Variants in VAT1L observed in about 807,000 individuals in gnomAD.
VAT1L encodes vesicle amine transport 1 like.
VAT1L carries 34 observed loss-of-function variants against 44.1 expected under a neutral mutation model. The ratio of observed to expected loss-of-function variants is 0.77; its 90% CI spans 0.59 to 1.03. The LOEUF (loss-of-function observed/expected upper bound fraction) is 1.03. Ranked by LOEUF, VAT1L falls within the 50% of genes least tolerant of loss-of-function variation. The pLI is 0.00. For synonymous variants in VAT1L, 253 were observed against 202.2 expected, an observed-to-expected ratio of 1.25 and a Z score of -2.13; for missense variants, 615 against 538.8, an observed-to-expected ratio of 1.14 and a Z score of -1.40.
chr16:77,954,929 A>G (rs2142528001), intron 7 of VAT1L, among the ~76,000 whole-genome samples: 1 of 152,320 alleles, frequency 6.6e-6, no homozygotes, highest in South Asian at 2.1e-4. Flanking sequence ...GATCAACTCC[A>G]AATATAGGAA....
intron 7 of VAT1L, among the ~76,000 whole-genome samples, chr16:77,889,896 G>A (rs887412794): frequency 1.3e-5 from 2 of 152,064 alleles, no homozygotes; most frequent in African/African-American, 4.8e-5. Context: ...AGACCAGCCC[G>A]GCCAACAGGG....
chr16:77,871,251 C>A (rs1228743075), intron 4 of VAT1L, among the ~76,000 whole-genome samples: 1 of 152,044 alleles, frequency 6.6e-6, no homozygotes, highest in Admixed American at 6.5e-5. Context: ...CACCCCACCA[C>A]TGACCTTCAA....
intron 4 of VAT1L, among the ~76,000 whole-genome samples, chr16:77,874,808 C>G (rs28542858): frequency 0.35 from 50,851 of 144,762 alleles, 9,332 homozygotes; most frequent in East Asian, 0.48. Flanking sequence ...GCAGTGCCCA[C>G]TGCTGAATAT....
intron 7 of VAT1L, among the ~76,000 whole-genome samples, chr16:77,930,802 AGT>A (rs2017723319): frequency 6.6e-6 from 1 of 152,146 alleles, no homozygotes; most frequent in East Asian, 1.9e-4. Flanking sequence ...TCTCCTACCC[AGT>A]GTGTTTGTCA....
At chr16:77,888,772 C>G (rs2017234266) in intron 7 of VAT1L, among the ~76,000 whole-genome samples, 1 of 152,192 alleles carries the variant, frequency 6.6e-6, no homozygotes, top group African/African-American at 2.4e-5. Flanking sequence ...AGGGGCAAAA[C>G]CACTCCTACT....
intron 7 of VAT1L, among the ~76,000 whole-genome samples, chr16:77,929,526 G>A (rs1364189563): frequency 6.6e-6 from 1 of 152,224 alleles, no homozygotes; most frequent in East Asian, 1.9e-4. Flanking sequence ...AAATATAAAT[G>A]TAATTTCAAG....
rs1029353314 is a variant in VAT1L, at chr16:77,822,514, G to C, written c.364-2732G>C. On this transcript the variant is annotated intron_variant, in intron 2 of 8. Transcript: ENST00000302536. ...CCCCTTCCAGTATCCAAGAAATCTA[G>C]GGTCATTTAGGGGCTTGGAGGAGGG... is the stretch of plus-strand genomic sequence containing the variant. Among the ~76,000 whole-genome samples, 7 of 152,240 alleles carry C rather than the reference G, an allele frequency of 4.6e-5. No homozygotes were observed. In the East Asian group the frequency reaches 1.4e-3, roughly 29 times the overall value.
chr16:77,873,385 T>C (rs887333065), intron 4 of VAT1L, among the ~76,000 whole-genome samples: 3 of 152,194 alleles, frequency 2.0e-5, no homozygotes, highest in Admixed American at 1.3e-4. Flanking sequence ...AGCTCTGAAA[T>C]ATGAGTTTCC....
At chr16:77,825,736 G>A (rs911221194) in intron 3 of VAT1L, among the ~76,000 whole-genome samples, 2 of 151,918 alleles carry the variant, frequency 1.3e-5, no homozygotes, top group African/African-American at 4.8e-5. Flanking sequence ...GCATTCTCAG[G>A]CCGGGCGCCG....
chr16:77,811,561 C>T (rs934826922), intron 1 of VAT1L, among the ~76,000 whole-genome samples: 3 of 152,124 alleles, frequency 2.0e-5, no homozygotes, highest in Non-Finnish European at 4.4e-5. Context: ...AGTTCTGGTA[C>T]GAACTATATA....
chr16:77,921,787 G>A (rs557540760), intron 7 of VAT1L, among the ~76,000 whole-genome samples: 47 of 152,056 alleles, frequency 3.1e-4, no homozygotes, highest in African/African-American at 3.9e-4. Context: ...TCTGTTGGCC[G>A]GGCTGGAGTG....
At chr16:77,794,507 C>A (rs761454364) in intron 1 of VAT1L, among the ~76,000 whole-genome samples, 5 of 152,184 alleles carry the variant, frequency 3.3e-5, no homozygotes, top group Non-Finnish European at 7.3e-5. Flanking sequence ...CTTGATCAGG[C>A]CATTGCTACA....
At chr16:77,952,189 A>C (rs1357401539) in intron 7 of VAT1L, among the ~76,000 whole-genome samples, 1 of 152,236 alleles carries the variant, frequency 6.6e-6, no homozygotes, top group Non-Finnish European at 1.5e-5. Context: ...GTCTTAAAGG[A>C]GCAAAAATAA....
At chr16:77,968,393 G>A (rs1242405735) in intron 7 of VAT1L, among the ~76,000 whole-genome samples, 4 of 152,164 alleles carry the variant, frequency 2.6e-5, no homozygotes, top group East Asian at 3.9e-4. Context: ...GGAGGAACAC[G>A]TTCACCCTGG....
At chr16:77,961,841 G>A (rs753404682) in intron 7 of VAT1L, among the ~76,000 whole-genome samples, 32 of 152,160 alleles carry the variant, frequency 2.1e-4, no homozygotes, top group Non-Finnish European at 3.5e-4. Context: ...TTAGCATCTC[G>A]GAACCTAAGG....
chr16:77,892,760 A>G (rs970428262), intron 7 of VAT1L: 1 of 764,240 alleles, frequency 1.3e-6, no homozygotes, highest in Admixed American at 1.7e-5. Flanking sequence ...CTAGTTTTTC[A>G]TCTGTACTGC....
chr16:77,917,096 G>A (rs751457284), intron 7 of VAT1L, among the ~76,000 whole-genome samples: 42 of 152,186 alleles, frequency 2.8e-4, no homozygotes, highest in Admixed American at 1.2e-3. Flanking sequence ...GCCTAATGGA[G>A]CCTCTGAAAT....
intron 8 of VAT1L, among the ~76,000 whole-genome samples, chr16:77,974,767 C>A (rs915272611): frequency 9.2e-5 from 14 of 152,172 alleles, no homozygotes; most frequent in African/African-American, 3.1e-4. Flanking sequence ...CAGGGTTTCA[C>A]CATGTTGGCC....
chr16:77,923,967 C>T (rs1171667761), intron 7 of VAT1L, among the ~76,000 whole-genome samples: 1 of 152,026 alleles, frequency 6.6e-6, no homozygotes, highest in Admixed American at 6.5e-5. Context: ...TCCCTTCCCC[C>T]AGTAAAGATG....
Sources: allele counts gnomAD v4.1 joint callset (sites outside exome capture counted in the v4.1 genomes callset), GRCh38; gene constraint gnomAD v4.1.1; transcripts MANE v1.5; gene names NCBI Gene and HGNC (gene_info 2026-07-23, HGNC 2026-07-21).